LINGO2: variants seen among roughly 807,000 people sequenced by gnomAD.
The protein encoded by LINGO2 is leucine-rich repeat and immunoglobulin-like domain-containing nogo receptor-interacting protein 2.
In LINGO2, 14 loss-of-function variants were observed where a neutral mutation model predicts 30.6. The ratio of observed to expected loss-of-function variants is 0.46; its 90% CI spans 0.30 to 0.72. The LOEUF is 0.72. LINGO2 is among the 30% of genes least tolerant of loss of function. LINGO2 has a pLI of 0.07. For synonymous variants in LINGO2, 317 were observed against 288.5 expected, an observed-to-expected ratio of 1.10 and a Z score of -1.00; for missense variants, 729 against 751.7, an observed-to-expected ratio of 0.97 and a Z score of 0.35.
At chr9:28,067,517 T>C (rs12004756) in intron 4 of LINGO2, among the ~76,000 whole-genome samples, 3,242 of 152,284 alleles carry the variant, frequency 0.021, 98 homozygotes, top group African/African-American at 0.071. Context: ...GAGAACCTAG[T>C]TGTGCCTTTG....
At chr9:28,704,125 T>C in the LINGO2 span, among the ~76,000 whole-genome samples, 34 of 152,188 alleles carry the variant, frequency 2.2e-4, no homozygotes, top group African/African-American at 7.2e-4. Context: ...AGCAGGTTTA[T>C]TGATGATAAC....
chr9:28,245,321 T>G (rs747086222), intron 4 of LINGO2, among the ~76,000 whole-genome samples: 2 of 152,178 alleles, frequency 1.3e-5, no homozygotes, highest in Non-Finnish European at 2.9e-5. Flanking sequence ...TAATAAGTGC[T>G]ATTTATAACA....
chr9:29,035,767 C>G, the LINGO2 span, among the ~76,000 whole-genome samples: 2 of 151,854 alleles, frequency 1.3e-5, no homozygotes, highest in Admixed American at 6.6e-5. Context: ...TTGTATTGAG[C>G]TATCGTAAAA....
intron 2 of LINGO2, among the ~76,000 whole-genome samples, chr9:28,438,003 T>A (rs1009030476): frequency 6.6e-6 from 1 of 152,156 alleles, no homozygotes; most frequent in Non-Finnish European, 1.5e-5. Flanking sequence ...CTTAAGAATA[T>A]GGGGGAAGTT....
At chr9:28,925,828 T>A in the LINGO2 span, among the ~76,000 whole-genome samples, 1 of 152,154 alleles carries the variant, frequency 6.6e-6, no homozygotes, top group Admixed American at 6.5e-5. Flanking sequence ...CTTATCTCTT[T>A]AAGGATAACT....
At chr9:28,992,600 C>A in the LINGO2 span, among the ~76,000 whole-genome samples, 1 of 152,094 alleles carries the variant, frequency 6.6e-6, no homozygotes, top group African/African-American at 2.4e-5. Context: ...CCAAAACTGA[C>A]CGCATAGTTG....
the LINGO2 span, among the ~76,000 whole-genome samples, chr9:29,107,354 A>G: frequency 6.6e-6 from 1 of 152,146 alleles, no homozygotes; most frequent in African/African-American, 2.4e-5. Flanking sequence ...TTTGAATTCA[A>G]CATGGTTTCT....
the LINGO2 span, among the ~76,000 whole-genome samples, chr9:28,694,887 A>T: frequency 2.0e-5 from 3 of 151,366 alleles, no homozygotes; most frequent in African/African-American, 7.3e-5. Flanking sequence ...AACAATTTAA[A>T]GGCATAATTT....
chr9:28,031,520 G>C (rs751894794), intron 4 of LINGO2, among the ~76,000 whole-genome samples: 15 of 152,198 alleles, frequency 9.9e-5, no homozygotes, highest in Admixed American at 2.6e-4. Context: ...GATGGCATCA[G>C]ATTGCTTTAG....
At chr9:28,325,002 T>C (rs1825176144) in intron 3 of LINGO2, among the ~76,000 whole-genome samples, 1 of 152,004 alleles carries the variant, frequency 6.6e-6, no homozygotes, top group Non-Finnish European at 1.5e-5. Context: ...AAATTTTATG[T>C]CTCTCTTAAC....
chr9:28,632,855 TTTA>T (rs1827049690), intron 1 of LINGO2, among the ~76,000 whole-genome samples: 1 of 106,420 alleles, frequency 9.4e-6, no homozygotes, highest in African/African-American at 4.1e-5. Flanking sequence ...ATATATATTT[TTTA>T]TATATATATA....
At chr9:28,053,517 G>A (rs998492673) in intron 4 of LINGO2, among the ~76,000 whole-genome samples, 5 of 152,070 alleles carry the variant, frequency 3.3e-5, no homozygotes, top group Non-Finnish European at 4.4e-5. Flanking sequence ...CTTAATTGAT[G>A]ATGCTACATT....
chr9:27,967,212 C>T (rs573643180), intron 5 of LINGO2, among the ~76,000 whole-genome samples: 1 of 152,248 alleles, frequency 6.6e-6, no homozygotes, highest in South Asian at 2.1e-4. Context: ...ATCTCAGTGG[C>T]TTAAAACAAT....
the LINGO2 span, among the ~76,000 whole-genome samples, chr9:28,887,028 A>T: frequency 6.6e-6 from 1 of 152,170 alleles, no homozygotes; most frequent in Admixed American, 6.6e-5. Context: ...AAGGTAATGC[A>T]GAGCAGGGTA....
At chr9:29,171,541 A>G in the LINGO2 span, among the ~76,000 whole-genome samples, 5 of 151,944 alleles carry the variant, frequency 3.3e-5, no homozygotes, top group Admixed American at 1.3e-4. Context: ...AATGTACTAC[A>G]TATAATATAT....
rs1453019033 is a variant in LINGO2, at chr9:28,104,255, G to GTTTTTTTT, written c.-86-91851_-86-91850insAAAAAAAA. On this transcript the variant is annotated intron_variant, in intron 4 of 5. Transcript: ENST00000379992. ...AGGGATTTGCTTTTCCCCAGTACAA[G>GTTTTTTTT]TTTTTTGTTTGTTTTTTTTTTTTTT... Among the ~76,000 whole-genome samples, 22 of 75,162 alleles carry GTTTTTTTT rather than the reference G, an allele frequency of 2.9e-4. 1 individual carries two copies. Among genetic ancestry groups the GTTTTTTTT allele is most frequent in the East Asian group, 1.5e-3 (3 of 1,950 alleles). The allele number at this position is 75,162 out of a possible 152,430, so 49.3% of individuals were successfully genotyped here. A position where few individuals can be genotyped will look rare whatever the true frequency, so the allele number is the denominator to read the frequency against.
chr9:28,166,317 T>A (rs1432425080), intron 4 of LINGO2, among the ~76,000 whole-genome samples: 1 of 152,208 alleles, frequency 6.6e-6, no homozygotes, highest in Admixed American at 6.5e-5. Context: ...AGATTGCTTG[T>A]GTTCAACTCC....
intron 1 of LINGO2, among the ~76,000 whole-genome samples, chr9:28,655,241 C>T (rs1237278409): frequency 6.6e-6 from 1 of 152,008 alleles, no homozygotes; most frequent in East Asian, 1.9e-4. Flanking sequence ...GCTTCCCCTT[C>T]CTCCATGGTT....
At chr9:28,663,254 T>C (rs190179669) in intron 1 of LINGO2, among the ~76,000 whole-genome samples, 8 of 152,058 alleles carry the variant, frequency 5.3e-5, no homozygotes, top group Non-Finnish European at 1.2e-4. Flanking sequence ...CGCTGCAACC[T>C]CTGCTGCCTG....
Sources: gnomAD v4.1 joint callset for allele counts (sites outside exome capture counted in the v4.1 genomes callset) on GRCh38, gnomAD v4.1.1 for gene constraint, MANE v1.5 for transcripts, NCBI Gene and HGNC (gene_info 2026-07-23, HGNC 2026-07-21) for gene names.